ATXN1: variants seen among roughly 807,000 people sequenced by gnomAD.
ATXN1 encodes the protein ataxin-1.
Under a neutral mutation model 56.4 loss-of-function variants are expected in ATXN1, and 8 were observed. The ratio of observed to expected loss-of-function variants is 0.14; its 90% CI spans 0.08 to 0.26. ATXN1 has a LOEUF of 0.26. Ranked by LOEUF, ATXN1 falls within the 10% of genes least tolerant of loss-of-function variation. ATXN1 has a pLI of 1.00. For synonymous variants in ATXN1, 514 were observed against 494.6 expected (o/e 1.04, Z -0.52); for missense variants, 987 against 1,106.5 (o/e 0.89, Z 1.53).
chr6:16,546,691 T>C (rs1761820704), intron 4 of ATXN1, among the ~76,000 whole-genome samples: 1 of 152,216 alleles, frequency 6.6e-6, no homozygotes, highest in Non-Finnish European at 1.5e-5. Flanking sequence ...ACTTTCAACT[T>C]GTAACAGTTA....
intron 2 of ATXN1, among the ~76,000 whole-genome samples, chr6:16,687,084 C>G (rs1758934327): frequency 6.6e-6 from 1 of 152,164 alleles, no homozygotes; most frequent in Non-Finnish European, 1.5e-5. Context: ...AAGCACCAAG[C>G]CATTGGCATG....
At chr6:16,747,254 C>T (rs1170423733) in intron 2 of ATXN1, among the ~76,000 whole-genome samples, 1 of 152,104 alleles carries the variant, frequency 6.6e-6, no homozygotes, top group Non-Finnish European at 1.5e-5. Context: ...ATTAACAGGC[C>T]ATATAATGGT....
chr6:16,678,432 G>A (rs1036808583), intron 2 of ATXN1, among the ~76,000 whole-genome samples: 10 of 152,126 alleles, frequency 6.6e-5, no homozygotes, highest in African/African-American at 2.2e-4. Flanking sequence ...TTAGAAGATG[G>A]CTTTTAAGCC....
intron 2 of ATXN1, among the ~76,000 whole-genome samples, chr6:16,682,849 C>T (rs540844213): frequency 6.6e-6 from 1 of 152,228 alleles, no homozygotes; most frequent in Non-Finnish European, 1.5e-5. Flanking sequence ...AAGACTCTTA[C>T]TCTCCAGTCT....
intron 6 of ATXN1, 84 bp downstream of exon 6, chr6:16,485,888 C>T (rs914380170): frequency 6.6e-6 from 1 of 152,168 alleles, no homozygotes; most frequent in African/African-American, 2.4e-5. Context: ...AATACCCCTT[C>T]AACACCTGGC....
At position 16,326,290 on chromosome 6, in the gene ATXN1, G is replaced by C. The variant is rs949530452; in HGVS notation, c.1917+104C>G. On this transcript the variant is annotated intron_variant, in intron 7 of 7. Transcript: ENST00000436367. The surrounding 1 kb of genome is among the most constrained non-coding windows in gnomAD (Gnocchi z 6.6). ...CCGAGTCTAAGGTCTAGGTGTACCC[G>C]AGAACCCTTAATCCTGCCTCATAGA... 1 of 1,528,412 alleles carries C rather than the reference G, an allele frequency of 6.5e-7. No individual in the cohort carries two copies. Among genetic ancestry groups the C allele is most frequent in the Non-Finnish European group, 8.8e-7 (1 of 1,142,390 alleles). 94.7% of individuals were successfully genotyped at this position (1,528,412 alleles called of 1,614,324 possible).
intron 4 of ATXN1, among the ~76,000 whole-genome samples, chr6:16,551,575 A>G (rs1313497896): frequency 6.6e-6 from 1 of 152,174 alleles, no homozygotes; most frequent in African/African-American, 2.4e-5. Flanking sequence ...TTGCTGAGTA[A>G]TTTGAGTTGA....
chr6:16,368,343 C>CTTCTTTTTTTTTTTTT (rs1354007963), intron 6 of ATXN1, among the ~76,000 whole-genome samples: 4 of 75,870 alleles, frequency 5.3e-5, no homozygotes, highest in African/African-American at 1.2e-4. Context: ...ACTTCTTCTT[C>CTTCTTTTTTTTTTTTT]TTTTTTTTTT....
At chr6:16,345,636 C>A (rs951488129) in intron 6 of ATXN1, among the ~76,000 whole-genome samples, 3 of 152,182 alleles carry the variant, frequency 2.0e-5, no homozygotes, top group African/African-American at 7.2e-5. Context: ...TTGAAAAGCC[C>A]AGCAAGTGGG....
At chr6:16,735,662 G>C (rs1760104002) in intron 2 of ATXN1, among the ~76,000 whole-genome samples, 1 of 152,142 alleles carries the variant, frequency 6.6e-6, no homozygotes, top group Admixed American at 6.5e-5. Flanking sequence ...CCACTCACCT[G>C]TAGGTGTACT....
intron 6 of ATXN1, among the ~76,000 whole-genome samples, chr6:16,405,134 A>G (rs1414024499): frequency 6.6e-6 from 1 of 152,182 alleles, no homozygotes; most frequent in Non-Finnish European, 1.5e-5. Context: ...CATTAAGTGG[A>G]TTTACATCAG....
chr6:16,361,973 G>A (rs527785249), intron 6 of ATXN1, among the ~76,000 whole-genome samples: 2 of 152,340 alleles, frequency 1.3e-5, no homozygotes, highest in African/African-American at 4.8e-5. Flanking sequence ...TCCTCATCCA[G>A]CGAACTAGGA....
intron 7 of ATXN1, among the ~76,000 whole-genome samples, chr6:16,325,440 C>T (rs1162803669): frequency 6.6e-6 from 1 of 152,034 alleles, no homozygotes; most frequent in Non-Finnish European, 1.5e-5. Context: ...TTGATCACCC[C>T]AGCACCAGCA....
chr6:16,635,395 C>T (rs145396833), intron 3 of ATXN1, among the ~76,000 whole-genome samples: 197 of 152,272 alleles, frequency 1.3e-3, no homozygotes, highest in African/African-American at 4.5e-3. Flanking sequence ...AACCATCCCC[C>T]GCTCCACCCT....
chr6:16,355,380 T>C (rs1761663750), intron 6 of ATXN1, among the ~76,000 whole-genome samples: 1 of 152,218 alleles, frequency 6.6e-6, no homozygotes. Flanking sequence ...ACACCTACTT[T>C]TAGTGACAGG....
intron 3 of ATXN1, among the ~76,000 whole-genome samples, chr6:16,625,541 T>C: frequency 6.6e-6 from 1 of 152,062 alleles, no homozygotes; most frequent in East Asian, 1.9e-4. Flanking sequence ...CACAGAGAGC[T>C]GATAATAGCA....
chr6:16,479,901 C>T (rs1244417377), intron 6 of ATXN1, among the ~76,000 whole-genome samples: 3 of 152,094 alleles, frequency 2.0e-5, no homozygotes, highest in African/African-American at 7.2e-5. Context: ...CCTATAATCC[C>T]AGCATTTTGG....
At chr6:16,324,348 G>C (rs1760753278) in intron 7 of ATXN1, among the ~76,000 whole-genome samples, 1 of 152,030 alleles carries the variant, frequency 6.6e-6, no homozygotes, top group Non-Finnish European at 1.5e-5. Flanking sequence ...CTACTAGGGA[G>C]GTTGGGGTGG....
At chr6:16,660,832 G>GTTTTTTT (rs754718969) in intron 2 of ATXN1, among the ~76,000 whole-genome samples, 18 of 93,032 alleles carry the variant, frequency 1.9e-4, no homozygotes, top group South Asian at 7.6e-4. Context: ...TTTTGTTTTG[G>GTTTTTTT]TTTTTTTTTT....
Sources: allele counts gnomAD v4.1 joint callset (sites outside exome capture counted in the v4.1 genomes callset), GRCh38; gene constraint gnomAD v4.1.1; non-coding constraint Gnocchi (gnomAD v3.1); transcripts MANE v1.5; gene names NCBI Gene and HGNC (gene_info 2026-07-23, HGNC 2026-07-21).